Variants in CASK observed in about 807,000 individuals in gnomAD.
The protein encoded by CASK is peripheral plasma membrane protein CASK.
In CASK, 4 loss-of-function variants were observed where a neutral mutation model predicts 82.9. The ratio of observed to expected loss-of-function variants is 0.05; its 90% CI spans 0.02 to 0.11. The LOEUF (loss-of-function observed/expected upper bound fraction) is 0.11, where lower values mean the gene tolerates loss of function less well. Ranked by LOEUF, CASK falls within the 10% of genes least tolerant of loss-of-function variation. The pLI is 1.00. For synonymous variants in CASK, 259 were observed against 253.5 expected (o/e 1.02, Z -0.20); for missense variants, 358 against 720.9 (o/e 0.50, Z 5.76).
intron 11 of CASK, among the ~76,000 whole-genome samples, chrX:41,613,944 T>G (rs1318723612): frequency 8.9e-6 from 1 of 112,498 alleles, no homozygotes; most frequent in Admixed American, 9.4e-5. Context: ...ACTGTGTGGC[T>G]GTCCACGTGG....
At chrX:41,619,855 T>G (rs113828553) in intron 11 of CASK, among the ~76,000 whole-genome samples, 2 of 112,511 alleles carry the variant, frequency 1.8e-5, no homozygotes, top group African/African-American at 6.4e-5. Flanking sequence ...CCTACATATG[T>G]TGACAGTTTG....
intron 26 of CASK, among the ~76,000 whole-genome samples, chrX:41,521,804 CTA>C (rs1418207438): frequency 8.9e-6 from 1 of 111,982 alleles, no homozygotes; most frequent in Non-Finnish European, 1.9e-5. Context: ...TGATTAGTGG[CTA>C]TGTCTCCAGC....
intron 2 of CASK, among the ~76,000 whole-genome samples, chrX:41,791,296 C>T (rs1168688943): frequency 9.1e-6 from 1 of 110,312 alleles, no homozygotes; most frequent in Admixed American, 9.7e-5. Flanking sequence ...CTTTATCCCT[C>T]ACCTCCCCTC....
chrX:41,900,599 CT>C (rs559584956), intron 1 of CASK, among the ~76,000 whole-genome samples: 1,205 of 74,471 alleles, frequency 0.016, 19 homozygotes, highest in African/African-American at 0.055. Context: ...CTGTTTGGTT[CT>C]TTTTTTTTTT....
intron 11 of CASK, among the ~76,000 whole-genome samples, chrX:41,613,279 C>G (rs1363479524): frequency 9.3e-6 from 1 of 107,416 alleles, no homozygotes; most frequent in African/African-American, 3.4e-5. Context: ...TCATTTTGTT[C>G]TGTACTAAGA....
At chrX:41,707,256 C>T (rs2067901435) in intron 5 of CASK, among the ~76,000 whole-genome samples, 1 of 111,806 alleles carries the variant, frequency 8.9e-6, no homozygotes, top group Admixed American at 9.5e-5. Flanking sequence ...CCAGTTTTGC[C>T]CTCTTGGAAC....
At chrX:41,633,815 A>G (rs759035969) in intron 9 of CASK, among the ~76,000 whole-genome samples, 1 of 108,032 alleles carries the variant, frequency 9.3e-6, no homozygotes, top group South Asian at 4.1e-4. Flanking sequence ...GCTGGAGTGC[A>G]GTGGCGTGAT....
intron 12 of CASK, among the ~76,000 whole-genome samples, chrX:41,605,877 C>T (rs1449665637): frequency 3.6e-5 from 4 of 110,593 alleles, no homozygotes; most frequent in Non-Finnish European, 7.6e-5. Context: ...CAGGGTTTTA[C>T]CATGTTGGCC....
At chrX:41,705,230 G>A (rs1439012096) in intron 5 of CASK, among the ~76,000 whole-genome samples, 1 of 112,411 alleles carries the variant, frequency 8.9e-6, no homozygotes, top group Non-Finnish European at 1.9e-5. Flanking sequence ...AAGTAAGGAG[G>A]AGAGTGTGAG....
chrX:41,799,105 T>C (rs1602641247), intron 2 of CASK, among the ~76,000 whole-genome samples: 1 of 112,640 alleles, frequency 8.9e-6, no homozygotes, highest in South Asian at 3.7e-4. Context: ...CGTAATAAAA[T>C]CATACCTTTC....
intron 2 of CASK, among the ~76,000 whole-genome samples, chrX:41,850,932 G>C (rs187040796): frequency 8.9e-6 from 1 of 111,902 alleles, no homozygotes; most frequent in African/African-American, 3.2e-5. Context: ...ATGAGCAACA[G>C]AGGGCATGGG....
At chrX:41,736,683 C>T (rs773765533) in intron 5 of CASK, among the ~76,000 whole-genome samples, 4 of 112,078 alleles carry the variant, frequency 3.6e-5, no homozygotes, top group Non-Finnish European at 7.5e-5. Context: ...CATGTTTCTA[C>T]GTGCTTCCTC....
chrX:41,886,351 T>C (rs2072047282), intron 1 of CASK, among the ~76,000 whole-genome samples: 1 of 112,026 alleles, frequency 8.9e-6, no homozygotes, highest in South Asian at 3.7e-4. Flanking sequence ...TTTCAACACT[T>C]TGGAACCCCT....
At position 41,553,948 on chromosome X, in the gene CASK, A is replaced by G. The variant is rs375123263; in HGVS notation, c.1843-33T>C. The G allele has an allele frequency of 2.9e-6, 3 of 1,027,848 alleles. No homozygotes were observed. The African/African-American group carries it at 5.6e-5, about 19-fold the overall frequency. The allele number at this position is 1,027,848 out of a possible 1,213,427, so 84.7% of individuals were successfully genotyped here. On this transcript the variant is annotated intron_variant, in intron 20 of 26. Coordinates refer to ENST00000378163, the MANE Select transcript of CASK (RefSeq NM_001367721.1). ...ACAGGAGTTCGTAAGAAAGGATGCC[A>G]TAGTGATGTGAAAGAGAAGTTAGCT...
chrX:41,570,882 C>T (rs2065403531), intron 15 of CASK: 1 of 111,576 alleles, frequency 9.0e-6, no homozygotes, highest in African/African-American at 3.3e-5. Context: ...AAGCTGTATT[C>T]CTGGGTTAAT....
intron 21 of CASK, among the ~76,000 whole-genome samples, chrX:41,548,937 T>C (rs1569299518): frequency 8.9e-6 from 1 of 111,947 alleles, no homozygotes; most frequent in Non-Finnish European, 1.9e-5. Flanking sequence ...CATTAGCTCT[T>C]TTAGCTCAGT....
At chrX:41,789,383 A>G (rs180799732) in intron 2 of CASK, among the ~76,000 whole-genome samples, 1 of 111,863 alleles carries the variant, frequency 8.9e-6, no homozygotes, top group African/African-American at 3.3e-5. Context: ...TCTAATGAGA[A>G]GCTGGATGTT....
chrX:41,728,344 C>T (rs1184949493), intron 5 of CASK: 1 of 172,154 alleles, frequency 5.8e-6, no homozygotes, highest in Non-Finnish European at 1.2e-5. Flanking sequence ...CACGTTATTT[C>T]ATGACTAGGA....
At chrX:41,609,106 T>C (rs1035972267) in intron 12 of CASK, among the ~76,000 whole-genome samples, 7 of 112,341 alleles carry the variant, frequency 6.2e-5, no homozygotes, top group Admixed American at 9.5e-5. Flanking sequence ...ACTGTACATA[T>C]ACTGTATTTC....
Sources: gnomAD v4.1 joint callset for allele counts (sites outside exome capture counted in the v4.1 genomes callset) on GRCh38, gnomAD v4.1.1 for gene constraint, MANE v1.5 for transcripts, NCBI Gene and HGNC (gene_info 2026-07-23, HGNC 2026-07-21) for gene names.